KATNAL1: variants seen among roughly 807,000 people sequenced by gnomAD.
KATNAL1 encodes the protein katanin p60 ATPase-containing subunit A-like 1.
KATNAL1 carries 32 observed loss-of-function variants against 55.2 expected under a neutral mutation model. The ratio of observed to expected loss-of-function variants is 0.58; its 90% CI spans 0.44 to 0.78. The LOEUF (loss-of-function observed/expected upper bound fraction) is 0.78. Among genes scored for constraint, KATNAL1 ranks in the 30% least tolerant of loss-of-function variants. The probability of loss-of-function intolerance (pLI) is 0.00; values close to 1 mark genes in which losing one functional copy is unlikely to be tolerated. For missense variants in KATNAL1, 466 were observed against 600.9 expected (o/e 0.78, Z 2.35); for synonymous variants, 193 against 193.6 (o/e 1.00, Z 0.02).
intron 1 of KATNAL1, among the ~76,000 whole-genome samples, chr13:30,288,325 G>A (rs1338488231): frequency 1.3e-5 from 2 of 152,060 alleles, no homozygotes; most frequent in Admixed American, 6.6e-5. Context: ...TCCAATTAAA[G>A]GTTAAATAAG....
In KATNAL1 at chr13:30,231,482, C is replaced by A. The variant is rs2137397538; in HGVS notation, c.727-10G>T. ...CAACCATCAGTACACCCTGAAATTT[C>A]AAAAGACAAATTAAATGATTTATCA... is the stretch of plus-strand genomic sequence containing the variant. On this transcript the variant is annotated splice_polypyrimidine_tract_variant and intron_variant, in intron 6 of 10. Coordinates refer to ENST00000380615, the MANE Select transcript of KATNAL1 (RefSeq NM_032116.5). 6.7e-7 allele frequency: 1 copy of A among 1,490,142 alleles called. No individual in the cohort carries two copies. Among genetic ancestry groups the A allele is most frequent in the Non-Finnish European group, 9.0e-7 (1 of 1,116,812 alleles). 92.3% of individuals were successfully genotyped at this position (1,490,142 alleles called of 1,614,324 possible). A position where few individuals can be genotyped will look rare whatever the true frequency, so the allele number is the denominator to read the frequency against.
intron 1 of KATNAL1, among the ~76,000 whole-genome samples, chr13:30,302,476 A>G (rs928619259): frequency 6.6e-6 from 1 of 152,002 alleles, no homozygotes; most frequent in Non-Finnish European, 1.5e-5. Flanking sequence ...TCTCTCATTC[A>G]TTTCTCTTCC....
At chr13:30,296,830 A>G (rs1457103604) in intron 1 of KATNAL1, 2 of 383,434 alleles carry the variant, frequency 5.2e-6, no homozygotes, top group African/African-American at 2.1e-5. Context: ...CTGACCCAGG[A>G]AAGGCCAGAC....
intron 4 of KATNAL1, among the ~76,000 whole-genome samples, chr13:30,254,629 A>T (rs1296807838): frequency 6.6e-6 from 1 of 152,198 alleles, no homozygotes; most frequent in Non-Finnish European, 1.5e-5. Context: ...TTGTTATTAG[A>T]TATATCTTTA....
intron 1 of KATNAL1, among the ~76,000 whole-genome samples, chr13:30,301,052 T>C (rs1220221828): frequency 6.6e-6 from 1 of 152,218 alleles, no homozygotes; most frequent in Non-Finnish European, 1.5e-5. Flanking sequence ...CATCTGTTAC[T>C]GTGTCTCAAG....
At chr13:30,252,682 T>C (rs1258557285) in intron 4 of KATNAL1, among the ~76,000 whole-genome samples, 2 of 151,926 alleles carry the variant, frequency 1.3e-5, no homozygotes, top group East Asian at 1.9e-4. Flanking sequence ...GAAAAACAAA[T>C]ACAATAAACA....
Position 30,207,612 on chromosome 13 carries a change from G to T in KATNAL1, c.*928C>A, listed in dbSNP as rs1322974037. ...TGGTTGAACATGTTGAAAGAAAAGT[G>T]AAAACACAGCCAGGCATGGTGGTGC... On this transcript the variant is annotated 3_prime_UTR_variant, in exon 11 of 11. Transcript: ENST00000380615. The T allele has an allele frequency of 6.6e-6, 1 of 152,144 alleles. No individual in the cohort carries two copies. The highest frequency in any genetic ancestry group is 1.5e-5 in the Non-Finnish European group (1 of 68,016). 9.4% of individuals were successfully genotyped at this position (152,144 alleles called of 1,614,324 possible).
chr13:30,271,552 C>A (rs772771002), intron 3 of KATNAL1, among the ~76,000 whole-genome samples: 1 of 152,036 alleles, frequency 6.6e-6, no homozygotes, highest in African/African-American at 2.4e-5. Context: ...TTTTTAACAA[C>A]CAGATCTCTT....
At chr13:30,281,125 AAAAAAAAAAAAAG>A (rs962239499) in intron 2 of KATNAL1, among the ~76,000 whole-genome samples, 7 of 147,202 alleles carry the variant, frequency 4.8e-5, no homozygotes, top group African/African-American at 1.5e-4. Context: ...TCCATGTCAA[AAAAAAAAAAAAAG>A]AAAAGAAAAG....
At chr13:30,274,896 C>T (rs1374510089) in intron 3 of KATNAL1, among the ~76,000 whole-genome samples, 188 of 100,616 alleles carry the variant, frequency 1.9e-3, no homozygotes, top group South Asian at 3.7e-3. Flanking sequence ...CACATACGCG[C>T]GCGCGCGCGC....
rs1877227523 is a variant in KATNAL1, at chr13:30,241,078, C to T, written c.501G>A (p.Lys167=). ...CATCACTTGCACCATCTTGCATATTCTTCCTTCCCTGGGGATAGGTATAAA... is the reference window on the plus strand; with the variant it reads ...CATCACTTGCACCATCTTGCATATTTTTCCTTCCCTGGGGATAGGTATAAA... The part of the protein sequence containing the change: ...RARGRDDKGR[K]NMQDGASDGE... The change falls in exon 5 of 11, where the codon AAG becomes AAA. Residue 167 remains lysine, a synonymous_variant. Coordinates refer to ENST00000380615, the MANE Select transcript of KATNAL1 (RefSeq NM_032116.5). 1 of 1,612,568 alleles carries T rather than the reference C, an allele frequency of 6.2e-7. No individual in the cohort carries two copies. The highest frequency in any genetic ancestry group is 1.1e-5 in the South Asian group (1 of 90,856).
chr13:30,278,613 T>C (rs1216043560), intron 3 of KATNAL1, among the ~76,000 whole-genome samples: 1 of 152,238 alleles, frequency 6.6e-6, no homozygotes, highest in African/African-American at 2.4e-5. Context: ...AAATGAATCA[T>C]GGTGCTCTAG....
chr13:30,241,160 A>G, intron 4 of KATNAL1, 74 bp from the exon 5 acceptor site: 1 of 1,245,272 alleles, frequency 8.0e-7, no homozygotes. Context: ...CTTTGAAAAC[A>G]TTATAATGCC....
intron 3 of KATNAL1, among the ~76,000 whole-genome samples, chr13:30,273,451 T>C (rs1200668016): frequency 6.6e-6 from 1 of 152,204 alleles, no homozygotes; most frequent in Non-Finnish European, 1.5e-5. Flanking sequence ...TAAGCCTCAG[T>C]GTCGTCTTCT....
chr13:30,300,843 T>G (rs1482611919), intron 1 of KATNAL1, among the ~76,000 whole-genome samples: 1 of 152,236 alleles, frequency 6.6e-6, no homozygotes, highest in Non-Finnish European at 1.5e-5. Context: ...TTTCATTTAT[T>G]TTTTACATGT....
chr13:30,206,625 T>G lies in KATNAL1; in HGVS notation c.*1915A>C, dbSNP rs188065499. 315 of 152,054 alleles carry G rather than the reference T, an allele frequency of 2.1e-3. 1 individual carries two copies. Among genetic ancestry groups the G allele is most frequent in the African/African-American group, 7.1e-3 (296 of 41,466 alleles). 9.4% of individuals were successfully genotyped at this position (152,054 alleles called of 1,614,324 possible). The stretch of plus-strand genomic sequence containing the variant: ...AACTAATCAACTATTGTTAGGCTGG[T>G]GCAAAAGTAATTGCGGTTTTTGCCA... On this transcript the variant is annotated 3_prime_UTR_variant, in exon 11 of 11. Coordinates refer to ENST00000380615, the MANE Select transcript of KATNAL1 (RefSeq NM_032116.5).
intron 3 of KATNAL1, among the ~76,000 whole-genome samples, chr13:30,273,775 G>A (rs1401596081): frequency 6.6e-6 from 1 of 152,162 alleles, no homozygotes; most frequent in Non-Finnish European, 1.5e-5. Context: ...AAATTTCTTT[G>A]TCATTAGTTC....
At chr13:30,258,411 T>TCTCC (rs1344475378) in intron 3 of KATNAL1, among the ~76,000 whole-genome samples, 1 of 152,224 alleles carries the variant, frequency 6.6e-6, no homozygotes, top group African/African-American at 2.4e-5. Context: ...GCAAATATCT[T>TCTCC]CTCCCAGTGT....
intron 9 of KATNAL1, among the ~76,000 whole-genome samples, chr13:30,221,769 G>A (rs1874884425): frequency 6.6e-6 from 1 of 152,192 alleles, no homozygotes; most frequent in Non-Finnish European, 1.5e-5. Context: ...AAATTATTCT[G>A]GGACTGGCAC....
Sources: allele counts gnomAD v4.1 joint callset (sites outside exome capture counted in the v4.1 genomes callset), GRCh38; gene constraint gnomAD v4.1.1; transcripts MANE v1.5; gene names NCBI Gene and HGNC (gene_info 2026-07-23, HGNC 2026-07-21).